CDH18: variants seen among roughly 807,000 people sequenced by gnomAD.
CDH18 encodes the protein cadherin-18.
A neutral mutation model predicts 67.9 loss-of-function variants in CDH18; 31 were observed. The ratio of observed to expected loss-of-function variants is 0.46; its 90% CI spans 0.34 to 0.62. The LOEUF (loss-of-function observed/expected upper bound fraction) is 0.62. CDH18 is among the 20% of genes least tolerant of loss of function. The pLI is 0.01. For synonymous variants in CDH18, 362 were observed against 347.2 expected (o/e 1.04, Z -0.48); for missense variants, 890 against 975.5 (o/e 0.91, Z 1.17).
intron 1 of CDH18, among the ~76,000 whole-genome samples, chr5:20,503,583 G>A (rs1323467433): frequency 6.6e-6 from 1 of 152,112 alleles, no homozygotes; most frequent in Non-Finnish European, 1.5e-5. Flanking sequence ...AATCTCCAGA[G>A]GTTCCCAAGA....
At chr5:20,032,671 G>A (rs952626766) in intron 2 of CDH18, among the ~76,000 whole-genome samples, 2 of 151,980 alleles carry the variant, frequency 1.3e-5, no homozygotes, top group African/African-American at 4.8e-5. Context: ...GTGGTTAGAA[G>A]CCAAGCACAC....
intron 5 of CDH18, among the ~76,000 whole-genome samples, chr5:19,617,003 C>T (rs1454240066): frequency 6.6e-6 from 1 of 152,162 alleles, no homozygotes; most frequent in East Asian, 1.9e-4. Context: ...CCAAAGGCCT[C>T]ATCTCCAAAT....
chr5:20,156,087 T>A (rs1001513504), intron 2 of CDH18, among the ~76,000 whole-genome samples: 33 of 152,064 alleles, frequency 2.2e-4, no homozygotes, highest in African/African-American at 8.0e-4. Context: ...AAACAACAGA[T>A]GTTGGTGAGT....
intron 1 of CDH18, among the ~76,000 whole-genome samples, chr5:20,273,778 T>C (rs956741853): frequency 6.6e-6 from 1 of 152,126 alleles, no homozygotes; most frequent in South Asian, 2.1e-4. Context: ...AACATGGATA[T>C]AGCAATAACA....
At position 19,853,012 on chromosome 5, in the gene CDH18, T is replaced by C. The variant is rs187052866; in HGVS notation, c.-256-13770A>G. 2.1e-3 allele frequency among the ~76,000 whole-genome samples: 326 copies of C among 151,966 alleles called. 1 individual carries two copies. Among genetic ancestry groups the C allele is most frequent in the African/African-American group, 7.4e-3 (306 of 41,474 alleles). ...GCAATGAGTACAAGATTGTGAAAAA[T>C]AAAGAATAAAAAAAATACTTGCAAT... On this transcript the variant is annotated intron_variant, in intron 2 of 12. Transcript: ENST00000382275.
intron 2 of CDH18, among the ~76,000 whole-genome samples, chr5:20,027,825 T>G (rs963096001): frequency 5.3e-5 from 8 of 152,200 alleles, no homozygotes; most frequent in African/African-American, 1.9e-4. Context: ...AAGATAGGGT[T>G]GCTAAGCATC....
Position 19,997,801 on chromosome 5 carries a change from A to G in CDH18, c.-517-5787T>C, listed in dbSNP as rs74466323. ...AATGTCAACATTTCACCATAATGCA[A>G]TACTATCATAAAGGCACGCATAGGG... On this transcript the variant is annotated intron_variant, in intron 2 of 14. Transcript: ENST00000507958. Among the ~76,000 whole-genome samples the G allele has an allele frequency of 0.018, 2,725 of 152,278 alleles. 173 individuals are homozygous for G. The East Asian group carries it at 0.25, about 14-fold the overall frequency.
intron 11 of CDH18, among the ~76,000 whole-genome samples, chr5:19,485,895 G>A (rs75835310): frequency 0.046 from 6,655 of 144,188 alleles, 276 homozygotes; most frequent in African/African-American, 0.12. Context: ...CTCTTTCATG[G>A]CTCAGGCCTA....
chr5:20,488,056 T>C (rs902380370), intron 1 of CDH18, among the ~76,000 whole-genome samples: 2 of 152,144 alleles, frequency 1.3e-5, no homozygotes, highest in Admixed American at 6.6e-5. Context: ...TGCCATTTCT[T>C]TCTTGCAGTT....
At position 20,034,850 on chromosome 5, in the gene CDH18, C is replaced by T. The variant is rs546074454; in HGVS notation, c.-517-42836G>A. Among the ~76,000 whole-genome samples the T allele has an allele frequency of 2.0e-4, 30 of 152,124 alleles. No homozygotes were observed. The East Asian group carries it at 5.6e-3, about 28-fold the overall frequency. Reference sequence around the variant, plus strand: ...TAAAGATTAGATATAGATATAGAGACACACACATCCTGTGGGTTCTGTTTC... The same window carrying T: ...TAAAGATTAGATATAGATATAGAGATACACACATCCTGTGGGTTCTGTTTC... On this transcript the variant is annotated intron_variant, in intron 2 of 14. Coordinates refer to the CDH18 transcript ENST00000507958.
intron 2 of CDH18, among the ~76,000 whole-genome samples, chr5:19,897,058 T>C (rs1475869162): frequency 2.0e-5 from 3 of 152,178 alleles, no homozygotes; most frequent in Non-Finnish European, 4.4e-5. Flanking sequence ...CAGAAAAGCA[T>C]ATTAATCATA....
At chr5:19,748,416 C>T (rs186653692) in intron 3 of CDH18, among the ~76,000 whole-genome samples, 18 of 152,114 alleles carry the variant, frequency 1.2e-4, no homozygotes, top group Middle Eastern at 3.4e-3. Context: ...ATAGTTTTTG[C>T]TAAAGATTCT....
At chr5:20,470,770 T>C (rs1751996394) in intron 1 of CDH18, among the ~76,000 whole-genome samples, 1 of 152,198 alleles carries the variant, frequency 6.6e-6, no homozygotes, top group African/African-American at 2.4e-5. Flanking sequence ...CCAGCAATAA[T>C]GATGAGCTAG....
At chr5:20,125,052 T>C (rs1234553437) in intron 2 of CDH18, among the ~76,000 whole-genome samples, 1 of 152,196 alleles carries the variant, frequency 6.6e-6, no homozygotes, top group East Asian at 1.9e-4. Flanking sequence ...TCACCTGTTA[T>C]CTACATTGAA....
chr5:19,704,010 G>T (rs1426356066), intron 5 of CDH18, among the ~76,000 whole-genome samples: 1 of 152,114 alleles, frequency 6.6e-6, no homozygotes, highest in Non-Finnish European at 1.5e-5. Context: ...ATCTACTTCT[G>T]TTCCCTGGAA....
intron 7 of CDH18, among the ~76,000 whole-genome samples, chr5:19,585,888 T>C (rs926049325): frequency 2.6e-5 from 4 of 152,192 alleles, no homozygotes; most frequent in African/African-American, 9.6e-5. Context: ...ATATCTTCCA[T>C]CTGAATATAT....
At chr5:19,824,791 C>T (rs1202339801) in intron 3 of CDH18, among the ~76,000 whole-genome samples, 2 of 152,006 alleles carry the variant, frequency 1.3e-5, no homozygotes, top group Non-Finnish European at 2.9e-5. Flanking sequence ...AGAGGGTGAC[C>T]CAATCCAACC....
chr5:19,520,549 G>C, intron 10 of CDH18, 108 bp downstream of exon 10: 3 of 928,390 alleles, frequency 3.2e-6, no homozygotes, highest in Non-Finnish European at 4.5e-6. Flanking sequence ...TTTCCACTGA[G>C]TACAAAATTA....
intron 1 of CDH18, among the ~76,000 whole-genome samples, chr5:20,501,717 TTGTGTGTGTGTGTGTGTGTG>T (rs1170488048): frequency 2.5e-5 from 3 of 121,250 alleles, no homozygotes; most frequent in East Asian, 2.5e-4. Flanking sequence ...TCTTAAGGAT[TTGTGTGTGTGTGTGTGTGTG>T]TGTGTGTGTG....
Sources: allele counts gnomAD v4.1 joint callset (sites outside exome capture counted in the v4.1 genomes callset), GRCh38; gene constraint gnomAD v4.1.1; transcripts MANE v1.5; gene names NCBI Gene and HGNC (gene_info 2026-07-23, HGNC 2026-07-21).